The following TBC1D19 variants were observed in gnomAD, a reference collection of about 807,000 sequenced individuals.
TBC1D19 encodes TBC1 domain family member 19.
Under a neutral mutation model 89.0 loss-of-function variants are expected in TBC1D19, and 60 were observed. The ratio of observed to expected loss-of-function variants is 0.67; its 90% CI spans 0.55 to 0.84. TBC1D19 has a LOEUF of 0.84. Ranked by LOEUF, TBC1D19 falls within the 40% of genes least tolerant of loss-of-function variation. The pLI is 0.00. For missense variants in TBC1D19, 500 were observed against 610.8 expected (o/e 0.82, Z 1.91); for synonymous variants, 189 against 199.7 (o/e 0.95, Z 0.45).
chr4:26,728,312 G>A (rs1004355929), intron 15 of TBC1D19, among the ~76,000 whole-genome samples: 19 of 152,254 alleles, frequency 1.2e-4, no homozygotes, highest in African/African-American at 4.3e-4. Flanking sequence ...TTAGTATTTA[G>A]AAAGATATAA....
At chr4:26,718,568 C>T (rs577816747) in intron 14 of TBC1D19, among the ~76,000 whole-genome samples, 13 of 152,198 alleles carry the variant, frequency 8.5e-5, no homozygotes, top group African/African-American at 3.1e-4. Context: ...ACACCCAACA[C>T]TGAAAGCTCA....
At chr4:26,600,290 A>G (rs1740508144) in intron 1 of TBC1D19, among the ~76,000 whole-genome samples, 1 of 152,230 alleles carries the variant, frequency 6.6e-6, no homozygotes, top group African/African-American at 2.4e-5. Context: ...ATACTTACCC[A>G]TATTTATTTT....
At chr4:26,594,857 G>A (rs1740102260) in intron 1 of TBC1D19, among the ~76,000 whole-genome samples, 1 of 152,204 alleles carries the variant, frequency 6.6e-6, no homozygotes. Flanking sequence ...GCGAAAGAGT[G>A]AGACTCCGTC....
At chr4:26,796,138 C>T in the TBC1D19 span, among the ~76,000 whole-genome samples, 2 of 152,166 alleles carry the variant, frequency 1.3e-5, no homozygotes, top group African/African-American at 4.8e-5. Flanking sequence ...GACGAGTCCC[C>T]TAGGACATGG....
At chr4:26,697,187 C>T (rs1225834405) in intron 13 of TBC1D19, among the ~76,000 whole-genome samples, 1 of 152,120 alleles carries the variant, frequency 6.6e-6, no homozygotes, top group African/African-American at 2.4e-5. Context: ...CACCACCGAT[C>T]CCACAGAAAT....
the TBC1D19 span, among the ~76,000 whole-genome samples, chr4:26,845,042 A>T: frequency 6.6e-6 from 1 of 152,230 alleles, no homozygotes; most frequent in African/African-American, 2.4e-5. Context: ...AAAATCCTGT[A>T]TAAATATTCT....
the TBC1D19 span, among the ~76,000 whole-genome samples, chr4:26,851,307 A>ATCTATCTATCTATCTGTCTG: frequency 0.11 from 5,025 of 45,426 alleles, 118 homozygotes; most frequent in Admixed American, 0.2. Context: ...TAAATACCCT[A>ATCTATCTATCTATCTGTCTG]TCTATCTATC....
chr4:26,746,912 G>A (rs576273210), intron 18 of TBC1D19, among the ~76,000 whole-genome samples: 20 of 152,242 alleles, frequency 1.3e-4, no homozygotes, highest in African/African-American at 4.3e-4. Flanking sequence ...TAACCAATGT[G>A]GCTTCTAAGT....
the TBC1D19 span, among the ~76,000 whole-genome samples, chr4:26,814,481 C>T: frequency 2.0e-5 from 3 of 152,208 alleles, no homozygotes; most frequent in Non-Finnish European, 2.9e-5. Context: ...TGAGATCAGA[C>T]GTGGCTACAG....
the TBC1D19 span, among the ~76,000 whole-genome samples, chr4:26,766,231 CTTCACCCTG>C: frequency 6.6e-6 from 1 of 152,182 alleles, no homozygotes; most frequent in Non-Finnish European, 1.5e-5. Context: ...GCAAATAGAA[CTTCACCCTG>C]AGAGTGCTCC....
intron 4 of TBC1D19, among the ~76,000 whole-genome samples, chr4:26,623,188 C>T (rs1178855474): frequency 6.6e-6 from 1 of 152,136 alleles, no homozygotes; most frequent in Non-Finnish European, 1.5e-5. Flanking sequence ...CCCCAACAGA[C>T]TTCTGTTCTG....
At chr4:26,583,894 T>C (rs1295924756), upstream of TBC1D19, 1 of 377,716 alleles carries the variant, frequency 2.6e-6, no homozygotes, top group East Asian at 5.6e-5. Flanking sequence ...GCTGTGGCTC[T>C]GAAAGAATGA....
At chr4:26,650,019 G>A (rs1292733752) in intron 7 of TBC1D19, among the ~76,000 whole-genome samples, 7 of 152,096 alleles carry the variant, frequency 4.6e-5, no homozygotes, top group East Asian at 3.9e-4. Context: ...AGCTTCATCC[G>A]CATCCCTACA....
At chr4:26,713,169 G>A (rs1035625759) in intron 13 of TBC1D19, among the ~76,000 whole-genome samples, 7 of 151,728 alleles carry the variant, frequency 4.6e-5, no homozygotes, top group East Asian at 1.9e-4. Context: ...CTTAATAGAC[G>A]CCAAAAATTT....
At chr4:26,826,694 C>T in the TBC1D19 span, among the ~76,000 whole-genome samples, 1 of 152,096 alleles carries the variant, frequency 6.6e-6, no homozygotes, top group Non-Finnish European at 1.5e-5. Flanking sequence ...TAAAGTTTGG[C>T]CTAATGGCAT....
At chr4:26,677,855 A>G (rs1211606811) in intron 11 of TBC1D19, among the ~76,000 whole-genome samples, 1 of 152,122 alleles carries the variant, frequency 6.6e-6, no homozygotes, top group Non-Finnish European at 1.5e-5. Flanking sequence ...CTATGATTGT[A>G]AATTTCCTGA....
intron 15 of TBC1D19, among the ~76,000 whole-genome samples, chr4:26,734,827 T>C (rs1717864061): frequency 2.6e-5 from 4 of 152,062 alleles, no homozygotes; most frequent in Non-Finnish European, 4.4e-5. Flanking sequence ...TTCTTAAACT[T>C]AATTCTGTGA....
chr4:26,678,502 T>C (rs965373989), intron 11 of TBC1D19, among the ~76,000 whole-genome samples: 1 of 151,074 alleles, frequency 6.6e-6, no homozygotes, highest in Non-Finnish European at 1.5e-5. Context: ...TAGTTATTCA[T>C]GCCTTTGCCT....
At chr4:26,852,870 C>T in the TBC1D19 span, among the ~76,000 whole-genome samples, 315 of 152,326 alleles carry the variant, frequency 2.1e-3, 4 homozygotes, top group Admixed American at 0.018. Context: ...CCACCTGCTT[C>T]GGCCTCCCAA....
Sources: allele counts gnomAD v4.1 joint callset (sites outside exome capture counted in the v4.1 genomes callset), GRCh38; gene constraint gnomAD v4.1.1; transcripts MANE v1.5; gene names NCBI Gene and HGNC (gene_info 2026-07-23, HGNC 2026-07-21).